The following FBXL2 variants were observed in gnomAD, a reference collection of about 807,000 sequenced individuals.
FBXL2 encodes the protein F-box/LRR-repeat protein 2.
A neutral mutation model predicts 69.2 loss-of-function variants in FBXL2; 38 were observed. That is an observed-to-expected ratio of 0.55 (90% confidence interval 0.42 to 0.72). The LOEUF (loss-of-function observed/expected upper bound fraction) is 0.72. FBXL2 is among the 30% of genes least tolerant of loss of function. The pLI is 0.00. For synonymous variants in FBXL2, 192 were observed against 201.3 expected, an observed-to-expected ratio of 0.95 and a Z score of 0.39; for missense variants, 354 against 520.3, an observed-to-expected ratio of 0.68 and a Z score of 3.11.
downstream of FBXL2, chr3:33,390,648 GAC>G (rs1335638195): frequency 2.0e-6 from 1 of 493,578 alleles, no homozygotes; most frequent in Non-Finnish European, 3.7e-6. Flanking sequence ...CATCTATCAA[GAC>G]ACACAATAAT....
chr3:33,286,785 G>C (rs2034671676), intron 1 of FBXL2, among the ~76,000 whole-genome samples: 1 of 152,224 alleles, frequency 6.6e-6, no homozygotes, highest in Non-Finnish European at 1.5e-5. Context: ...TTCAATCTCA[G>C]ACTGCTGTGT....
intron 12 of FBXL2, among the ~76,000 whole-genome samples, chr3:33,395,750 GAA>G (rs61654235): frequency 2.9e-4 from 20 of 69,778 alleles, no homozygotes; most frequent in African/African-American, 8.8e-4. Context: ...CAGGAAAATT[GAA>G]AAAAAAAAAA....
the FBXL2 span, among the ~76,000 whole-genome samples, chr3:33,418,910 A>C: frequency 1.1e-4 from 16 of 151,864 alleles, no homozygotes; most frequent in East Asian, 2.5e-3. Flanking sequence ...CAGTATCCCT[A>C]GAAGAAAAAA....
In FBXL2 at chr3:33,312,023, C is replaced by G. The variant is rs72863713; in HGVS notation, c.65+14298C>G. Among the ~76,000 whole-genome samples the G allele has an allele frequency of 5.6e-3, 850 of 152,194 alleles. 8 individuals are homozygous for G. Among genetic ancestry groups the G allele is most frequent in the African/African-American group, 0.019 (808 of 41,518 alleles). ...AGTTGTCTTAATGTAGCTCAGTGAG[C>G]TATGCAATATAGATAGACAACTATT... is the stretch of plus-strand genomic sequence containing the variant. On this transcript the variant is annotated intron_variant, in intron 2 of 14. Transcript: ENST00000484457.
chr3:33,357,554 C>T (rs1404484190), intron 2 of FBXL2, among the ~76,000 whole-genome samples: 8 of 108,414 alleles, frequency 7.4e-5, no homozygotes, highest in South Asian at 3.2e-4. Flanking sequence ...TTTTTTGAGA[C>T]GGAGTCTCGC....
chr3:33,414,032 G>A, the FBXL2 span: 1 of 152,164 alleles, frequency 6.6e-6, no homozygotes, highest in African/African-American at 2.4e-5. Flanking sequence ...AACAGTATTA[G>A]AATACAGGTA....
chr3:33,300,865 C>A (rs574545520), intron 2 of FBXL2, among the ~76,000 whole-genome samples: 1 of 139,108 alleles, frequency 7.2e-6, no homozygotes, highest in African/African-American at 2.8e-5. Flanking sequence ...CCCGCCACAA[C>A]GCCCAGCTAA....
chr3:33,305,649 CT>C (rs1164492080), intron 2 of FBXL2, among the ~76,000 whole-genome samples: 1 of 151,840 alleles, frequency 6.6e-6, no homozygotes, highest in Non-Finnish European at 1.5e-5. Context: ...CCTTGAAAGT[CT>C]GTTAGAACTA....
At position 33,286,539 on chromosome 3, in the gene FBXL2, C is replaced by T. The variant is rs537782728; in HGVS notation, c.3+9024C>T. Reference sequence around the variant, plus strand: ...GTTCTCAGATCTCCAACTCCGTGCTCAGAGAACCACTACTCTCTTCAAAGC... The same window carrying T: ...GTTCTCAGATCTCCAACTCCGTGCTTAGAGAACCACTACTCTCTTCAAAGC... On this transcript the variant is annotated intron_variant, in intron 1 of 14. Coordinates refer to ENST00000484457, the MANE Select transcript of FBXL2 (RefSeq NM_012157.5). Among the ~76,000 whole-genome samples, 3 of 152,328 alleles carry T rather than the reference C, an allele frequency of 2.0e-5. No homozygotes were observed. In the South Asian group the frequency reaches 6.2e-4, roughly 32 times the overall value.
At chr3:33,369,300 C>T (rs1226861814) in intron 5 of FBXL2, among the ~76,000 whole-genome samples, 2 of 152,124 alleles carry the variant, frequency 1.3e-5, no homozygotes, top group Admixed American at 6.5e-5. Context: ...GATCTGCCCA[C>T]CTCAGCCTCC....
intron 5 of FBXL2, among the ~76,000 whole-genome samples, chr3:33,368,284 TAAA>T (rs1374600103): frequency 6.6e-6 from 1 of 152,226 alleles, no homozygotes; most frequent in Non-Finnish European, 1.5e-5. Flanking sequence ...TATCAACTAA[TAAA>T]AGGAGTATTG....
intron 2 of FBXL2, among the ~76,000 whole-genome samples, chr3:33,298,854 A>G (rs933505884): frequency 7.2e-5 from 11 of 151,922 alleles, no homozygotes; most frequent in African/African-American, 2.7e-4. Context: ...ACAGCAACAG[A>G]AACCAGATTT....
rs546142708 is a variant in FBXL2, at chr3:33,292,218, A to G, written c.4-5446A>G. 8.5e-5 allele frequency among the ~76,000 whole-genome samples: 13 copies of G among 152,218 alleles called. No homozygotes were observed. In the East Asian group the frequency reaches 2.3e-3, roughly 27 times the overall value. On this transcript the variant is annotated intron_variant, in intron 1 of 14. Coordinates refer to ENST00000484457, the MANE Select transcript of FBXL2 (RefSeq NM_012157.5). ...AACATGGTGAAACCCCATCTCTACT[A>G]AAAATACAAAAATTAACTGGGTGTG...
downstream of FBXL2, among the ~76,000 whole-genome samples, chr3:33,405,790 G>GT (rs1215986050): frequency 2.6e-5 from 4 of 152,134 alleles, no homozygotes; most frequent in Non-Finnish European, 4.4e-5. Flanking sequence ...TTTTGAGTAG[G>GT]TAAGTGTCAA....
intron 2 of FBXL2, among the ~76,000 whole-genome samples, chr3:33,322,650 A>G (rs1261185244): frequency 1.3e-5 from 2 of 152,198 alleles, no homozygotes; most frequent in African/African-American, 2.4e-5. Context: ...TGATAAAACT[A>G]TAAAGAATTA....
chr3:33,315,671 T>C (rs1368319829), intron 2 of FBXL2, among the ~76,000 whole-genome samples: 7 of 152,184 alleles, frequency 4.6e-5, no homozygotes, highest in Non-Finnish European at 8.8e-5. Flanking sequence ...AGTTCTGTTA[T>C]GTCATCTTAA....
intron 10 of FBXL2, among the ~76,000 whole-genome samples, chr3:33,376,887 G>T (rs1019349462): frequency 6.6e-6 from 1 of 152,156 alleles, no homozygotes; most frequent in African/African-American, 2.4e-5. Context: ...TGTAGTCCCA[G>T]CTACTTGGGA....
In FBXL2 at chr3:33,401,535, C is replaced by T. The variant is rs186065731; in HGVS notation, n.1215-1699C>T. On this transcript the variant is annotated intron_variant and non_coding_transcript_variant, in intron 12 of 12. Coordinates refer to the FBXL2 transcript ENST00000463736. Reference sequence around the variant, plus strand: ...AAAGAAATTAACTTGTACCACTATCCTTGTGCTTCTAAGTAAAATGAAATG... The same window carrying T: ...AAAGAAATTAACTTGTACCACTATCTTTGTGCTTCTAAGTAAAATGAAATG... Among the ~76,000 whole-genome samples, 112 of 152,242 alleles carry T rather than the reference C, an allele frequency of 7.4e-4. 1 individual carries two copies. Among genetic ancestry groups the T allele is most frequent in the Non-Finnish European group, 3.5e-4 (24 of 68,014 alleles).
chr3:33,325,774 T>A (rs544157599), intron 2 of FBXL2, among the ~76,000 whole-genome samples: 1 of 152,348 alleles, frequency 6.6e-6, no homozygotes, highest in South Asian at 2.1e-4. Flanking sequence ...GTGTGTTTTA[T>A]TTTTGTAACT....
Sources: allele counts gnomAD v4.1 joint callset (sites outside exome capture counted in the v4.1 genomes callset), GRCh38; gene constraint gnomAD v4.1.1; transcripts MANE v1.5; gene names NCBI Gene and HGNC (gene_info 2026-07-23, HGNC 2026-07-21).